The following CAST variants were observed in gnomAD, a reference collection of about 807,000 sequenced individuals.
CAST encodes calpastatin.
CAST carries 76 observed loss-of-function variants against 119.6 expected under a neutral mutation model. The ratio of observed to expected loss-of-function variants is 0.64; its 90% CI spans 0.53 to 0.77. The LOEUF (loss-of-function observed/expected upper bound fraction) is 0.77, where lower values mean the gene tolerates loss of function less well. Among genes scored for constraint, CAST ranks in the 30% least tolerant of loss-of-function variants. The probability of loss-of-function intolerance (pLI) is 0.00; values close to 1 mark genes in which losing one functional copy is unlikely to be tolerated. For synonymous variants in CAST, 319 were observed against 331.6 expected, an observed-to-expected ratio of 0.96 and a Z score of 0.41; for missense variants, 953 against 946.5, an observed-to-expected ratio of 1.01 and a Z score of -0.09.
the CAST span, among the ~76,000 whole-genome samples, chr5:96,505,550 A>G: frequency 6.6e-6 from 1 of 152,300 alleles, no homozygotes; most frequent in East Asian, 1.9e-4. Flanking sequence ...TCACTGCTGA[A>G]TCTTTAGCCC....
rs186987096 is a variant in CAST, at chr5:96,582,069, T to C, written c.60+52189T>C. ...ATGTTCAATCCGAGGTCATAAGAAA[T>C]ACTGTTTGGGAAATTCTTGCACAGG... On this transcript the variant is annotated intron_variant, in intron 1 of 11. Coordinates refer to the CAST transcript ENST00000505143. Among the ~76,000 whole-genome samples, 280 of 152,274 alleles carry C rather than the reference T, an allele frequency of 1.8e-3. 1 individual carries two copies. Among genetic ancestry groups the C allele is most frequent in the South Asian group, 2.9e-3 (14 of 4,822 alleles).
chr5:96,371,974 T>A, the CAST span, among the ~76,000 whole-genome samples: 1 of 152,240 alleles, frequency 6.6e-6, no homozygotes, highest in Non-Finnish European at 1.5e-5. Context: ...TTCCTTCCAA[T>A]AATTTGCCCT....
chr5:96,539,681 A>C (rs546032176), intron 1 of CAST, among the ~76,000 whole-genome samples: 3 of 152,276 alleles, frequency 2.0e-5, no homozygotes, highest in African/African-American at 7.2e-5. Context: ...TGAACCACTT[A>C]TATTAAAAGT....
intron 1 of CAST, among the ~76,000 whole-genome samples, chr5:96,613,990 A>C (rs1747409420): frequency 6.6e-6 from 1 of 152,222 alleles, no homozygotes; most frequent in Non-Finnish European, 1.5e-5. Context: ...GTATCCTCAC[A>C]GCCCTATGAG....
At chr5:96,223,797 AC>A in the CAST span, among the ~76,000 whole-genome samples, 1 of 152,124 alleles carries the variant, frequency 6.6e-6, no homozygotes, top group Non-Finnish European at 1.5e-5. Flanking sequence ...TCCTGGGCTC[AC>A]CCTTTTGTGT....
At chr5:96,098,115 A>C in the CAST span, among the ~76,000 whole-genome samples, 1 of 152,152 alleles carries the variant, frequency 6.6e-6, no homozygotes, top group Non-Finnish European at 1.5e-5. Flanking sequence ...TGTTGGGCAC[A>C]TGTATGTCTT....
At chr5:96,200,900 A>G in the CAST span, among the ~76,000 whole-genome samples, 1 of 152,160 alleles carries the variant, frequency 6.6e-6, no homozygotes, top group Non-Finnish European at 1.5e-5. Flanking sequence ...CTGATCTACT[A>G]TAAAACTATA....
At chr5:96,121,863 C>T in the CAST span, among the ~76,000 whole-genome samples, 1 of 152,044 alleles carries the variant, frequency 6.6e-6, no homozygotes, top group Non-Finnish European at 1.5e-5. Flanking sequence ...CCACCCACCC[C>T]CTGCCCACCC....
the CAST span, among the ~76,000 whole-genome samples, chr5:96,473,379 G>C: frequency 2.2e-4 from 33 of 152,366 alleles, 1 homozygote; most frequent in South Asian, 3.7e-3. Flanking sequence ...AATTGCACTG[G>C]ATGGCAGATA....
At chr5:96,257,453 C>G in the CAST span, among the ~76,000 whole-genome samples, 1 of 152,128 alleles carries the variant, frequency 6.6e-6, no homozygotes, top group African/African-American at 2.4e-5. Context: ...TTAGATTATA[C>G]TGAATTGTTA....
chr5:96,374,158 G>A, the CAST span, among the ~76,000 whole-genome samples: 2 of 152,130 alleles, frequency 1.3e-5, no homozygotes, highest in African/African-American at 2.4e-5. Flanking sequence ...GGGAAAAGAC[G>A]AGTTTCCATA....
the CAST span, among the ~76,000 whole-genome samples, chr5:96,026,005 A>G: frequency 2.6e-5 from 4 of 152,172 alleles, no homozygotes; most frequent in Non-Finnish European, 5.9e-5. Context: ...GGCCAAGACA[A>G]GTGGATTGCT....
chr5:96,276,953 C>T, the CAST span, among the ~76,000 whole-genome samples: 1 of 152,130 alleles, frequency 6.6e-6, no homozygotes, highest in African/African-American at 2.4e-5. Context: ...TACCATTTTG[C>T]AACTTTAGAT....
At chr5:96,669,194 C>T (rs1257399149) in intron 1 of CAST, among the ~76,000 whole-genome samples, 4 of 152,238 alleles carry the variant, frequency 2.6e-5, no homozygotes, top group Non-Finnish European at 5.9e-5. Context: ...TGAAGCAAAA[C>T]CAGCTTTACA....
the CAST span, among the ~76,000 whole-genome samples, chr5:96,184,983 G>A: frequency 1.3e-5 from 2 of 152,134 alleles, no homozygotes; most frequent in Non-Finnish European, 2.9e-5. Flanking sequence ...CAGCATAACT[G>A]CATTCCTTTT....
intron 3 of CAST, among the ~76,000 whole-genome samples, chr5:96,715,903 T>C (rs1757110774): frequency 6.6e-6 from 1 of 152,256 alleles, no homozygotes; most frequent in African/African-American, 2.4e-5. Context: ...AAGAGATGGC[T>C]GAACTTCATT....
chr5:96,678,037 C>A (rs1219651381), intron 2 of CAST, among the ~76,000 whole-genome samples: 2 of 152,152 alleles, frequency 1.3e-5, no homozygotes, highest in African/African-American at 4.8e-5. Flanking sequence ...AACTGTCCCA[C>A]TTTAGGCATT....
At chr5:96,152,180 G>A in the CAST span, among the ~76,000 whole-genome samples, 1 of 152,204 alleles carries the variant, frequency 6.6e-6, no homozygotes, top group Non-Finnish European at 1.5e-5. Context: ...GACTCCATCA[G>A]TAGGGGCAGG....
chr5:96,201,707 A>G, the CAST span, among the ~76,000 whole-genome samples: 1 of 151,870 alleles, frequency 6.6e-6, no homozygotes, highest in Non-Finnish European at 1.5e-5. Flanking sequence ...CCCTGCTCCA[A>G]TACCACCAGT....
Sources: gnomAD v4.1 joint callset for allele counts (sites outside exome capture counted in the v4.1 genomes callset) on GRCh38, gnomAD v4.1.1 for gene constraint, MANE v1.5 for transcripts, NCBI Gene and HGNC (gene_info 2026-07-23, HGNC 2026-07-21) for gene names.